The following OCIAD1 variants were observed in gnomAD, a reference collection of about 807,000 sequenced individuals.
OCIAD1 encodes the protein OCIA domain containing 1, also known as OCIA domain-containing protein 1.
OCIAD1 carries 29 observed loss-of-function variants against 38.9 expected under a neutral mutation model. That is an observed-to-expected ratio of 0.74 (90% CI 0.55 to 1.02). The LOEUF (loss-of-function observed/expected upper bound fraction) is 1.02, where lower values mean the gene tolerates loss of function less well. Ranked by LOEUF, OCIAD1 falls within the 50% of genes least tolerant of loss-of-function variation. The pLI, the probability that OCIAD1 is intolerant of heterozygous loss-of-function variation, is 0.00. For missense variants in OCIAD1, 288 were observed against 289.6 expected, an observed-to-expected ratio of 0.99 and a Z score of 0.04; for synonymous variants, 110 against 92.0, an observed-to-expected ratio of 1.20 and a Z score of -1.12.
At chr4:48,806,172 C>T (rs576995019) in intron 1 of OCIAD1, among the ~76,000 whole-genome samples, 55 of 152,072 alleles carry the variant, frequency 3.6e-4, no homozygotes, top group Non-Finnish European at 5.1e-4. Flanking sequence ...GAGGCTGAGG[C>T]AGGAGAATCG....
intron 1 of OCIAD1, among the ~76,000 whole-genome samples, chr4:48,812,022 G>T (rs71595615): frequency 1.3e-5 from 2 of 152,054 alleles, no homozygotes; most frequent in Non-Finnish European, 2.9e-5. Context: ...AGTGGCTCAT[G>T]CCTGTAATCC....
At chr4:48,838,253 G>A (rs1778185394) in intron 3 of OCIAD1, among the ~76,000 whole-genome samples, 1 of 151,888 alleles carries the variant, frequency 6.6e-6, no homozygotes, top group Admixed American at 6.6e-5. Context: ...GGGAGGCAGA[G>A]GTTGCAGCAA....
chr4:48,839,998 A>G (rs1778379041), intron 3 of OCIAD1, among the ~76,000 whole-genome samples: 1 of 152,174 alleles, frequency 6.6e-6, no homozygotes, highest in Non-Finnish European at 1.5e-5. Flanking sequence ...ATATTAGTGT[A>G]CTCAGATTGG....
intron 1 of OCIAD1, among the ~76,000 whole-genome samples, chr4:48,813,148 C>T (rs544196229): frequency 6.6e-6 from 1 of 152,272 alleles, no homozygotes; most frequent in Non-Finnish European, 1.5e-5. Context: ...CTGTGGAATT[C>T]CGATTGCATC....
chr4:48,827,501 C>A (rs879263395), upstream of OCIAD1, among the ~76,000 whole-genome samples: 1 of 152,204 alleles, frequency 6.6e-6, no homozygotes, highest in African/African-American at 2.4e-5. Context: ...AAATGTGTAT[C>A]GACTTCCCGC....
At chr4:48,812,282 C>CAA (rs397881494) in intron 1 of OCIAD1, among the ~76,000 whole-genome samples, 2,992 of 25,062 alleles carry the variant, frequency 0.12, 884 homozygotes, top group South Asian at 0.2. Flanking sequence ...GAGTTGGTCT[C>CAA]AAAAAAAAAA....
intron 3 of OCIAD1, among the ~76,000 whole-genome samples, chr4:48,840,236 G>A (rs1778397446): frequency 3.9e-5 from 6 of 152,202 alleles, no homozygotes. Flanking sequence ...ATTATCCATT[G>A]TAGAAATGGC....
intron 1 of OCIAD1, among the ~76,000 whole-genome samples, chr4:48,823,059 T>G (rs1304012408): frequency 6.6e-6 from 1 of 152,186 alleles, no homozygotes; most frequent in East Asian, 1.9e-4. Context: ...CAAAGGATTA[T>G]AAATCATTCT....
intron 7 of OCIAD1, among the ~76,000 whole-genome samples, chr4:48,854,404 T>C (rs2109608032): frequency 6.6e-6 from 1 of 152,312 alleles, no homozygotes; most frequent in Non-Finnish European, 1.5e-5. Context: ...GAATGTTCCA[T>C]GTAATATTTT....
intron 1 of OCIAD1, among the ~76,000 whole-genome samples, chr4:48,816,845 C>G (rs551658585): frequency 7.2e-5 from 11 of 152,156 alleles, no homozygotes; most frequent in Admixed American, 4.6e-4. Context: ...GTGGCACACA[C>G]CTGTGATCCT....
At chr4:48,824,501 C>T (rs187292552) in intron 1 of OCIAD1, among the ~76,000 whole-genome samples, 1 of 152,134 alleles carries the variant, frequency 6.6e-6, no homozygotes, top group African/African-American at 2.4e-5. Context: ...TCGCCTCCAC[C>T]TCCTGGGTAG....
chr4:48,827,431 A>T (rs1419846843), upstream of OCIAD1, among the ~76,000 whole-genome samples: 17 of 152,232 alleles, frequency 1.1e-4, no homozygotes, highest in Admixed American at 1.1e-3. Context: ...TGATCTCACC[A>T]TTCCAGATTA....
At chr4:48,809,063 T>C (rs978929172) in intron 1 of OCIAD1, among the ~76,000 whole-genome samples, 1 of 152,222 alleles carries the variant, frequency 6.6e-6, no homozygotes, top group Non-Finnish European at 1.5e-5. Flanking sequence ...CTTCATTTTT[T>C]TCCTTGTATT....
chr4:48,841,617 G>C (rs1244557590), intron 3 of OCIAD1, among the ~76,000 whole-genome samples: 1 of 152,118 alleles, frequency 6.6e-6, no homozygotes, highest in African/African-American at 2.4e-5. Flanking sequence ...AACTGTATTT[G>C]TACAAACAGT....
intron 3 of OCIAD1, among the ~76,000 whole-genome samples, chr4:48,835,439 C>T (rs1777893720): frequency 1.3e-5 from 2 of 152,112 alleles, no homozygotes; most frequent in South Asian, 4.1e-4. Flanking sequence ...ACTGAAGCCT[C>T]TTACAATTTT....
chr4:48,820,955 G>A (rs1263572413), intron 1 of OCIAD1, among the ~76,000 whole-genome samples: 2 of 152,198 alleles, frequency 1.3e-5, no homozygotes, highest in African/African-American at 4.8e-5. Context: ...ATTCACAGCC[G>A]AATTCTACCA....
At chr4:48,818,415 A>G (rs1353519417) in intron 1 of OCIAD1, among the ~76,000 whole-genome samples, 1 of 152,044 alleles carries the variant, frequency 6.6e-6, no homozygotes, top group African/African-American at 2.4e-5. Context: ...GACTCCATCC[A>G]AAGATCATCA....
At chr4:48,818,455 C>A (rs764116944) in intron 1 of OCIAD1, among the ~76,000 whole-genome samples, 2 of 152,108 alleles carry the variant, frequency 1.3e-5, no homozygotes, top group Non-Finnish European at 2.9e-5. Flanking sequence ...GATAAATCCA[C>A]GAAGATGAGG....
At chr4:48,823,450 G>A (rs1365840989) in intron 1 of OCIAD1, among the ~76,000 whole-genome samples, 7 of 151,744 alleles carry the variant, frequency 4.6e-5, no homozygotes, top group African/African-American at 9.7e-5. Context: ...TGGATGCGGC[G>A]TTTAAAACCT....
Sources: allele counts gnomAD v4.1 joint callset (sites outside exome capture counted in the v4.1 genomes callset), GRCh38; gene constraint gnomAD v4.1.1; transcripts MANE v1.5; gene names NCBI Gene and HGNC (gene_info 2026-07-23, HGNC 2026-07-21).